SIK3: variants seen among roughly 807,000 people sequenced by gnomAD.
SIK3 encodes serine/threonine-protein kinase SIK3.
A neutral mutation model predicts 144.2 loss-of-function variants in SIK3; 28 were observed. The ratio of observed to expected loss-of-function variants is 0.19; its 90% confidence interval spans 0.14 to 0.27. The LOEUF (loss-of-function observed/expected upper bound fraction) is 0.27. Among genes scored for constraint, SIK3 ranks in the 10% least tolerant of loss-of-function variants. SIK3 has a pLI of 1.00. For synonymous variants in SIK3, 686 were observed against 676.3 expected (o/e 1.01, Z -0.22); for missense variants, 1,319 against 1,776.0 (o/e 0.74, Z 4.62).
intron 1 of SIK3, among the ~76,000 whole-genome samples, chr11:117,054,814 A>T (rs1326962654): frequency 6.6e-6 from 1 of 152,196 alleles, no homozygotes; most frequent in Admixed American, 6.5e-5. Context: ...ATGAAAATAC[A>T]AAATAACAGT....
chr11:116,988,612 C>A (rs1280057607), intron 1 of SIK3, among the ~76,000 whole-genome samples: 1 of 151,806 alleles, frequency 6.6e-6, no homozygotes, highest in Non-Finnish European at 1.5e-5. Flanking sequence ...AAGACCCCAT[C>A]TCTACAATAA....
chr11:116,989,262 C>A (rs531278610), intron 1 of SIK3, among the ~76,000 whole-genome samples: 18 of 152,136 alleles, frequency 1.2e-4, no homozygotes, highest in African/African-American at 4.1e-4. Flanking sequence ...GTTCTCTATT[C>A]GCTTTTTAAA....
chr11:116,855,702 T>G (rs1364699936), intron 21 of SIK3: 1 of 152,234 alleles, frequency 6.6e-6, no homozygotes, highest in African/African-American at 2.4e-5. Context: ...TCGGTGAGCA[T>G]CTCTCGTGTC....
intron 1 of SIK3, among the ~76,000 whole-genome samples, chr11:117,080,255 A>G (rs1172232866): frequency 1.3e-5 from 2 of 152,224 alleles, no homozygotes; most frequent in Non-Finnish European, 2.9e-5. Flanking sequence ...TAAAAAGAAC[A>G]GAAAAATCAC....
intron 1 of SIK3, among the ~76,000 whole-genome samples, chr11:117,004,746 A>G (rs1360407183): frequency 1.3e-5 from 2 of 152,144 alleles, no homozygotes; most frequent in African/African-American, 2.4e-5. Context: ...CTTTACTCCA[A>G]CCAACTCTTG....
At chr11:117,056,186 T>C (rs1365781164) in intron 1 of SIK3, among the ~76,000 whole-genome samples, 2 of 152,210 alleles carry the variant, frequency 1.3e-5, no homozygotes, top group African/African-American at 2.4e-5. Flanking sequence ...CATGGAATAC[T>C]ATTTAGCCAT....
chr11:116,863,525 G>C, intron 16 of SIK3, 143 bp downstream of exon 16: 1 of 1,248,100 alleles, frequency 8.0e-7, no homozygotes, highest in Non-Finnish European at 1.1e-6. Context: ...CACTGCGCCC[G>C]GCCCAGAAAG....
intron 6 of SIK3, among the ~76,000 whole-genome samples, chr11:116,887,818 T>A (rs1342683496): frequency 6.6e-6 from 1 of 152,152 alleles, no homozygotes; most frequent in Non-Finnish European, 1.5e-5. Context: ...TACATAATTA[T>A]AAAAACTAGG....
chr11:117,087,906 C>CA (rs1472272027), intron 1 of SIK3, among the ~76,000 whole-genome samples: 3 of 151,974 alleles, frequency 2.0e-5, no homozygotes, highest in African/African-American at 7.2e-5. Flanking sequence ...AAAAAAGATT[C>CA]AAAAAATAAC....
intron 1 of SIK3, among the ~76,000 whole-genome samples, chr11:117,095,357 GA>G (rs1251325099): frequency 2.0e-5 from 3 of 151,062 alleles, no homozygotes; most frequent in East Asian, 1.9e-4. Flanking sequence ...CCTACAAGGG[GA>G]AAAAAAAATC....
chr11:116,889,212 T>C (rs771838260), intron 6 of SIK3, among the ~76,000 whole-genome samples: 1 of 152,190 alleles, frequency 6.6e-6, no homozygotes, highest in Admixed American at 6.5e-5. Context: ...GATGATAAAA[T>C]ATGTGCTATT....
rs570407868 is a variant in SIK3 at position 116,846,480 on chromosome 11, G to C, written c.4026C>G (p.Cys1342Trp). ...SDGSQHLNSSCYPSTCITDIL... is the reference protein window; with the variant it reads ...SDGSQHLNSSWYPSTCITDIL... ...TGTCTGTAATACACGTAGATGGATA[G>C]CAAGAGGAGTTTAAATGCTGGCTGC... Residue 1342 changes from cysteine to tryptophan, a missense_variant, in exon 24 of 25, where the codon TGC (cysteine) becomes TGG (tryptophan). Transcript: ENST00000445177. The surrounding 1 kb of genome is among the most constrained non-coding windows in gnomAD (Gnocchi z 4.1). 6.2e-7 allele frequency: 1 copy of C among 1,614,244 alleles called. No individual in the cohort carries two copies. The highest frequency in any genetic ancestry group is 8.5e-7 in the Non-Finnish European group (1 of 1,180,046).
chr11:116,869,218 G>C (rs1292101820), intron 14 of SIK3: 3 of 152,076 alleles, frequency 2.0e-5, no homozygotes, highest in Non-Finnish European at 4.4e-5. Flanking sequence ...CCTTCTATTG[G>C]CCAAGCTGTA....
intron 1 of SIK3, among the ~76,000 whole-genome samples, chr11:116,957,808 G>A (rs1351626563): frequency 1.3e-5 from 2 of 152,248 alleles, no homozygotes; most frequent in South Asian, 4.1e-4. Context: ...TGAAGCCTAG[G>A]TAGCTTGGCT....
chr11:117,031,365 CCTTTTTTT>C (rs920653189), intron 1 of SIK3, among the ~76,000 whole-genome samples: 14 of 147,586 alleles, frequency 9.5e-5, no homozygotes, highest in African/African-American at 3.5e-4. Context: ...TTCCTTTTTT[CCTTTTTTT>C]TTTTTTGTCT....
intron 2 of SIK3, among the ~76,000 whole-genome samples, chr11:116,955,106 A>C (rs1034765533): frequency 3.3e-5 from 5 of 151,742 alleles, no homozygotes; most frequent in African/African-American, 1.2e-4. Flanking sequence ...ACAATTAAAA[A>C]TTCAGTTCCG....
chr11:117,046,406 A>G (rs1187036537), intron 1 of SIK3, among the ~76,000 whole-genome samples: 1 of 152,228 alleles, frequency 6.6e-6, no homozygotes, highest in Non-Finnish European at 1.5e-5. Context: ...CATACCTGCT[A>G]AAACAAATTT....
intron 1 of SIK3, among the ~76,000 whole-genome samples, chr11:117,085,782 C>G (rs763951860): frequency 6.6e-6 from 1 of 152,044 alleles, no homozygotes. Flanking sequence ...CTCAGGAATT[C>G]GAGACCATCC....
chr11:116,924,589 C>T (rs563522082), intron 4 of SIK3, among the ~76,000 whole-genome samples: 1 of 152,304 alleles, frequency 6.6e-6, no homozygotes, highest in East Asian at 1.9e-4. Flanking sequence ...AGGTGTTCCA[C>T]ACACTCCCAC....
Sources: gnomAD v4.1 joint callset for allele counts (sites outside exome capture counted in the v4.1 genomes callset) on GRCh38, gnomAD v4.1.1 for gene constraint, Gnocchi (gnomAD v3.1) non-coding constraint, MANE v1.5 for transcripts, NCBI Gene and HGNC (gene_info 2026-07-23, HGNC 2026-07-21) for gene names.